ZMYM2: variants seen among roughly 807,000 people sequenced by gnomAD.
ZMYM2 encodes the protein zinc finger MYM-type protein 2.
Under a neutral mutation model 162.8 loss-of-function variants are expected in ZMYM2, and 56 were observed. The observed-to-expected ratio is 0.34, with a 90% CI of 0.28 to 0.43. ZMYM2 has a LOEUF of 0.43. Among genes scored for constraint, ZMYM2 ranks in the 20% least tolerant of loss-of-function variants. The probability of loss-of-function intolerance (pLI) is 1.00; values close to 1 mark genes in which losing one functional copy is unlikely to be tolerated. For missense variants in ZMYM2, 1,275 were observed against 1,621.8 expected (o/e 0.79, Z 3.67); for synonymous variants, 510 against 541.6 (o/e 0.94, Z 0.81).
At chr13:19,866,904 A>C in the ZMYM2 span, among the ~76,000 whole-genome samples, 1 of 152,166 alleles carries the variant, frequency 6.6e-6, no homozygotes, top group South Asian at 2.1e-4. Flanking sequence ...CAAAAACAAA[A>C]AAAAAAGTTG....
At position 19,965,529 on chromosome 13, in the gene ZMYM2, C is replaced by T. The variant is rs566666522; in HGVS notation, c.-11+5503C>T. 2.0e-5 allele frequency among the ~76,000 whole-genome samples: 3 copies of T among 152,088 alleles called. No individual in the cohort carries two copies. In the South Asian group the frequency reaches 6.2e-4, roughly 32 times the overall value. On this transcript the variant is annotated intron_variant, in intron 2 of 24. Transcript: ENST00000610343. ...ATTAGATAGTCATAAAATATGTGTT[C>T]TGTTAATTATGGGCTAGCAGTTTCT...
the ZMYM2 span, among the ~76,000 whole-genome samples, chr13:19,894,370 A>G: frequency 6.7e-6 from 1 of 149,430 alleles, no homozygotes; most frequent in Non-Finnish European, 1.5e-5. Context: ...TTTGAGACAG[A>G]GTTTCACTCT....
chr13:20,012,350 AT>A (rs113216366), intron 6 of ZMYM2, among the ~76,000 whole-genome samples: 69 of 150,558 alleles, frequency 4.6e-4, no homozygotes, highest in African/African-American at 1.6e-3. Flanking sequence ...TAATTTTTGT[AT>A]TTTTTTTTAG....
intron 2 of ZMYM2, among the ~76,000 whole-genome samples, chr13:19,967,601 A>G (rs544135598): frequency 1.4e-4 from 22 of 152,244 alleles, no homozygotes; most frequent in Non-Finnish European, 7.3e-5. Flanking sequence ...CACGTACATT[A>G]TGCTTTAATA....
At chr13:20,037,566 T>C in intron 12 of ZMYM2, among the ~76,000 whole-genome samples, 1 of 152,214 alleles carries the variant, frequency 6.6e-6, no homozygotes, top group East Asian at 1.9e-4. Context: ...AGCAGGTAAT[T>C]GTTTTGGATA....
At chr13:19,887,105 T>C in the ZMYM2 span, among the ~76,000 whole-genome samples, 6,281 of 152,092 alleles carry the variant, frequency 0.041, 202 homozygotes, top group Non-Finnish European at 0.067. Flanking sequence ...GGAAGACTAC[T>C]TAAAGAGTGG....
chr13:19,960,507 T>G (rs1043628643), intron 2 of ZMYM2, among the ~76,000 whole-genome samples: 4 of 152,222 alleles, frequency 2.6e-5, no homozygotes, highest in Non-Finnish European at 5.9e-5. Context: ...TTGACACTTA[T>G]GGCTCATGAG....
chr13:20,061,368 TTA>T, intron 17 of ZMYM2, 144 bp downstream of exon 17: 2 of 644,210 alleles, frequency 3.1e-6, no homozygotes, highest in South Asian at 6.2e-5. Flanking sequence ...GTTTTTTATA[TTA>T]AGAGATCTAC....
At chr13:19,872,165 C>T in the ZMYM2 span, among the ~76,000 whole-genome samples, 1 of 148,252 alleles carries the variant, frequency 6.7e-6, no homozygotes, top group African/African-American at 2.5e-5. Context: ...TAAATAAAAA[C>T]GAGGTTTTGC....
the ZMYM2 span, among the ~76,000 whole-genome samples, chr13:19,873,209 T>C: frequency 2.6e-5 from 4 of 152,078 alleles, no homozygotes; most frequent in South Asian, 6.2e-4. Flanking sequence ...ATATTTTCCA[T>C]TGTGGACGAT....
At chr13:19,916,417 G>A in the ZMYM2 span, among the ~76,000 whole-genome samples, 1 of 152,156 alleles carries the variant, frequency 6.6e-6, no homozygotes, top group South Asian at 2.1e-4. Flanking sequence ...GCACACGTAT[G>A]TTTATTGCGG....
the ZMYM2 span, among the ~76,000 whole-genome samples, chr13:19,931,012 G>T: frequency 3.3e-5 from 5 of 151,396 alleles, no homozygotes; most frequent in Admixed American, 2.6e-4. Flanking sequence ...GGTGGCGGGC[G>T]CCTGTAGTCC....
intron 3 of ZMYM2, among the ~76,000 whole-genome samples, chr13:20,001,908 TAA>T (rs1950419133): frequency 6.6e-6 from 1 of 152,238 alleles, no homozygotes; most frequent in African/African-American, 2.4e-5. Context: ...ATTGTACACT[TAA>T]TAGACTACAT....
chr13:20,053,203 A>G (rs993241577), intron 14 of ZMYM2, among the ~76,000 whole-genome samples: 1 of 152,180 alleles, frequency 6.6e-6, no homozygotes, highest in Non-Finnish European at 1.5e-5. Context: ...ATCCGAGGGA[A>G]GCTCTTTGGG....
chr13:19,981,215 T>C (rs1253920905), intron 2 of ZMYM2, among the ~76,000 whole-genome samples: 1 of 152,060 alleles, frequency 6.6e-6, no homozygotes, highest in African/African-American at 2.4e-5. Context: ...AAGGCTGCAG[T>C]GAGCTATGAT....
At chr13:19,909,283 A>G in the ZMYM2 span, among the ~76,000 whole-genome samples, 2 of 152,166 alleles carry the variant, frequency 1.3e-5, no homozygotes, top group Admixed American at 6.6e-5. Context: ...AATTGTTGGA[A>G]AAGACCTGCC....
intron 19 of ZMYM2, chr13:20,066,503 A>C (rs1010787008): frequency 5.7e-6 from 1 of 175,182 alleles, no homozygotes; most frequent in Admixed American, 6.2e-5. Flanking sequence ...TTTATAATAA[A>C]GTTAGCTAGA....
chr13:20,065,004 A>G (rs1255398557), intron 19 of ZMYM2, among the ~76,000 whole-genome samples: 1 of 152,138 alleles, frequency 6.6e-6, no homozygotes, highest in Non-Finnish European at 1.5e-5. Flanking sequence ...GGGTTGAAGT[A>G]CACAGTTTAT....
intron 2 of ZMYM2, among the ~76,000 whole-genome samples, chr13:19,990,359 C>T (rs929416377): frequency 6.6e-6 from 1 of 152,180 alleles, no homozygotes; most frequent in African/African-American, 2.4e-5. Context: ...TTTGATCTGC[C>T]ACATTGGCTT....
Sources: allele counts gnomAD v4.1 joint callset (sites outside exome capture counted in the v4.1 genomes callset), GRCh38; gene constraint gnomAD v4.1.1; transcripts MANE v1.5; gene names NCBI Gene and HGNC (gene_info 2026-07-23, HGNC 2026-07-21).